PTPRD: variants seen among roughly 807,000 people sequenced by gnomAD.
PTPRD encodes the protein receptor-type tyrosine-protein phosphatase delta.
A neutral mutation model predicts 214.5 loss-of-function variants in PTPRD; 34 were observed. That is an observed-to-expected ratio of 0.16 (90% CI 0.12 to 0.21). The LOEUF (loss-of-function observed/expected upper bound fraction) is 0.21. PTPRD is among the 10% of genes least tolerant of loss of function. The pLI, the probability that PTPRD is intolerant of heterozygous loss-of-function variation, is 1.00. For synonymous variants in PTPRD, 1,128 were observed against 845.7 expected (o/e 1.33, Z -5.79); for missense variants, 2,545 against 2,398.7 (o/e 1.06, Z -1.27).
In PTPRD at chr9:8,929,757, GTATATATA is replaced by G. The variant is rs377333297; in HGVS notation, c.-104+88932_-104+88939del. The stretch of plus-strand genomic sequence containing the variant: ...TGTATATATATGTGTATATATATAT[GTATATATA>G]TGTGTATATATATGGGTGTGTATAT... On this transcript the variant is annotated intron_variant, in intron 11 of 45. Coordinates refer to ENST00000381196, the MANE Select transcript of PTPRD (RefSeq NM_002839.4). Among the ~76,000 whole-genome samples, 165 of 56,506 alleles carry G rather than the reference GTATATATA, an allele frequency of 2.9e-3. 6 individuals carry two copies. Among genetic ancestry groups the G allele is most frequent in the East Asian group, 0.022 (13 of 590 alleles). The allele number at this position is 56,506 out of a possible 152,430, so 37.1% of individuals were successfully genotyped here.
At chr9:8,687,540 T>C (rs1417592518) in intron 12 of PTPRD, among the ~76,000 whole-genome samples, 10 of 152,270 alleles carry the variant, frequency 6.6e-5, no homozygotes, top group Admixed American at 5.2e-4. Context: ...CAAACAACAA[T>C]GTGTACTGTG....
intron 3 of PTPRD, among the ~76,000 whole-genome samples, chr9:10,315,311 G>C (rs773850622): frequency 1.3e-5 from 2 of 151,708 alleles, no homozygotes; most frequent in Non-Finnish European, 2.9e-5. Flanking sequence ...TAAAATATGA[G>C]ATATATCTAA....
intron 3 of PTPRD, among the ~76,000 whole-genome samples, chr9:10,186,265 C>CAATAT (rs2099329815): frequency 6.6e-6 from 1 of 151,976 alleles, no homozygotes; most frequent in Non-Finnish European, 1.5e-5. Context: ...AACGTAGCAT[C>CAATAT]AATATTATCT....
chr9:10,062,204 C>T (rs1461586668), intron 3 of PTPRD, among the ~76,000 whole-genome samples: 1 of 152,050 alleles, frequency 6.6e-6, no homozygotes, highest in Non-Finnish European at 1.5e-5. Flanking sequence ...TTAAAAGATG[C>T]TGAAATAAAT....
chr9:10,403,584 T>G (rs931291540), intron 2 of PTPRD, among the ~76,000 whole-genome samples: 2 of 151,346 alleles, frequency 1.3e-5, no homozygotes, highest in African/African-American at 4.8e-5. Context: ...AAACACACTC[T>G]GACCATGGGC....
At chr9:8,564,814 G>C (rs1001408324) in intron 14 of PTPRD, among the ~76,000 whole-genome samples, 14 of 152,114 alleles carry the variant, frequency 9.2e-5, no homozygotes, top group African/African-American at 3.1e-4. Flanking sequence ...TGGTGGGTTG[G>C]TGTGCATTCA....
chr9:10,229,379 G>A (rs1040243522), intron 3 of PTPRD, among the ~76,000 whole-genome samples: 6 of 151,922 alleles, frequency 3.9e-5, no homozygotes, highest in South Asian at 2.1e-4. Flanking sequence ...TATAAATCAT[G>A]CTGCTATAAA....
intron 11 of PTPRD, among the ~76,000 whole-genome samples, chr9:8,900,426 A>C (rs935022386): frequency 6.6e-6 from 1 of 152,242 alleles, no homozygotes; most frequent in African/African-American, 2.4e-5. Context: ...TGGCACAATC[A>C]TAAACAATAA....
chr9:8,349,933 GTT>G (rs71317358), intron 39 of PTPRD, among the ~76,000 whole-genome samples: 295 of 145,042 alleles, frequency 2.0e-3, no homozygotes, highest in Non-Finnish European at 2.0e-3. Flanking sequence ...AACTTTAGTG[GTT>G]TTTTTTTTTT....
intron 7 of PTPRD, among the ~76,000 whole-genome samples, chr9:9,694,564 T>C (rs2097335514): frequency 6.6e-6 from 1 of 151,898 alleles, no homozygotes; most frequent in Non-Finnish European, 1.5e-5. Flanking sequence ...GATTGCGAGT[T>C]CCAGGAATGT....
intron 9 of PTPRD, among the ~76,000 whole-genome samples, chr9:9,331,240 G>C (rs913454459): frequency 1.3e-5 from 2 of 151,974 alleles, no homozygotes; most frequent in African/African-American, 2.4e-5. Flanking sequence ...GCTTGCAAAT[G>C]GGTTAGGTTT....
chr9:9,971,805 T>C (rs13290231), intron 4 of PTPRD, among the ~76,000 whole-genome samples: 1 of 152,162 alleles, frequency 6.6e-6, no homozygotes, highest in Non-Finnish European at 1.5e-5. Context: ...AATCTCTTTG[T>C]GTACTTAAAT....
At chr9:8,568,799 A>G (rs1246947881) in intron 14 of PTPRD, among the ~76,000 whole-genome samples, 1 of 151,968 alleles carries the variant, frequency 6.6e-6, no homozygotes, top group Non-Finnish European at 1.5e-5. Flanking sequence ...GAATTCATAA[A>G]TATGAATATT....
At chr9:9,925,475 G>A (rs1181338295) in intron 5 of PTPRD, among the ~76,000 whole-genome samples, 1 of 151,980 alleles carries the variant, frequency 6.6e-6, no homozygotes, top group Non-Finnish European at 1.5e-5. Context: ...TTTGAAGAGT[G>A]ATTTATGGTT....
chr9:8,404,491 C>G lies in PTPRD; in HGVS notation c.4210+46G>C, dbSNP rs1482065271. On this transcript the variant is annotated intron_variant, in intron 36 of 45. Transcript: ENST00000381196. ...AAAACAATATTCTCATGCACATACT[C>G]AAATCCATGAAAATAAAGGTATCAG... The G allele has an allele frequency of 2.5e-6, 4 of 1,584,650 alleles. No homozygotes were observed. The South Asian group carries it at 3.4e-5, about 13-fold the overall frequency.
intron 9 of PTPRD, among the ~76,000 whole-genome samples, chr9:9,199,615 C>A (rs752972233): frequency 2.6e-5 from 4 of 151,922 alleles, no homozygotes; most frequent in Non-Finnish European, 1.5e-5. Context: ...CCACAGATCA[C>A]CATATTTGGA....
intron 11 of PTPRD, among the ~76,000 whole-genome samples, chr9:8,979,402 T>C (rs1272260830): frequency 1.3e-5 from 2 of 152,042 alleles, no homozygotes; most frequent in African/African-American, 4.8e-5. Flanking sequence ...TACATCGAAC[T>C]CAGAAGTTTC....
intron 14 of PTPRD, among the ~76,000 whole-genome samples, chr9:8,553,592 G>C (rs757631665): frequency 2.6e-5 from 4 of 152,136 alleles, no homozygotes; most frequent in Non-Finnish European, 5.9e-5. Context: ...AAAGAAATGA[G>C]AGAGGGGAAC....
chr9:8,340,529 C>T, intron 41 of PTPRD, 60 bp from the exon 42 acceptor site: 2 of 1,441,932 alleles, frequency 1.4e-6, no homozygotes, highest in Non-Finnish European at 1.9e-6. Flanking sequence ...CAAAAGCTCA[C>T]ACTGGATACA....
Sources: allele counts gnomAD v4.1 joint callset (sites outside exome capture counted in the v4.1 genomes callset), GRCh38; gene constraint gnomAD v4.1.1; transcripts MANE v1.5; gene names NCBI Gene and HGNC (gene_info 2026-07-23, HGNC 2026-07-21).